Variants in NUFIP2 observed in about 807,000 individuals in gnomAD.
NUFIP2 encodes nuclear FMR1 interacting protein 2, also known as FMR1-interacting protein NUFIP2.
Under a neutral mutation model 56.9 loss-of-function variants are expected in NUFIP2, and 6 were observed. The ratio of observed to expected loss-of-function variants is 0.11; its 90% CI spans 0.06 to 0.21. The LOEUF (loss-of-function observed/expected upper bound fraction) is 0.21. Among genes scored for constraint, NUFIP2 ranks in the 10% least tolerant of loss-of-function variants. The probability of loss-of-function intolerance (pLI) is 1.00; values close to 1 mark genes in which losing one functional copy is unlikely to be tolerated. For synonymous variants in NUFIP2, 321 were observed against 298.2 expected (o/e 1.08, Z -0.79); for missense variants, 828 against 826.8 (o/e 1.00, Z -0.02).
intron 2 of NUFIP2, among the ~76,000 whole-genome samples, chr17:29,269,853 T>C (rs1157368337): frequency 6.6e-6 from 1 of 152,190 alleles, no homozygotes; most frequent in South Asian, 2.1e-4. Context: ...CCCGAGTAAC[T>C]GGGACTACAG....
At chr17:29,291,898 C>G (rs9890363) in intron 1 of NUFIP2, among the ~76,000 whole-genome samples, 1 of 152,104 alleles carries the variant, frequency 6.6e-6, no homozygotes, top group African/African-American at 2.4e-5. Context: ...ATCTGACATT[C>G]TAATTTCAGT....
chr17:29,260,335 T>C lies in NUFIP2; in HGVS notation c.*4204A>G, dbSNP rs937766520. ...CTGACCATAATGACCATTATATTTG[T>C]CCCATAACATAACTGTTCTGCACAG... is the stretch of plus-strand genomic sequence containing the variant. On this transcript the variant is annotated 3_prime_UTR_variant, in exon 4 of 4. Coordinates refer to ENST00000225388, the MANE Select transcript of NUFIP2 (RefSeq NM_020772.3). The C allele has an allele frequency of 2.0e-5, 3 of 152,230 alleles. No individual in the cohort carries two copies. Among genetic ancestry groups the C allele is most frequent in the Non-Finnish European group, 4.4e-5 (3 of 68,046 alleles). 9.4% of individuals were successfully genotyped at this position (152,230 alleles called of 1,614,324 possible).
rs189293834 is a variant in NUFIP2, at chr17:29,275,143, C to T, written c.2003-7613G>A. Among the ~76,000 whole-genome samples the T allele has an allele frequency of 3.9e-5, 6 of 152,166 alleles. No homozygotes were observed. In the East Asian group the frequency reaches 7.7e-4, roughly 20 times the overall value. ...AGGCAATTCTCCTGCCTCAGCCCCC[C>T]CCAAGCAGCTGGGATTATAGGCATA... On this transcript the variant is annotated intron_variant, in intron 2 of 3. Coordinates refer to ENST00000225388, the MANE Select transcript of NUFIP2 (RefSeq NM_020772.3).
chr17:29,292,879 G>A, intron 1 of NUFIP2, among the ~76,000 whole-genome samples: 1 of 114,132 alleles, frequency 8.8e-6, no homozygotes, highest in African/African-American at 3.2e-5. Context: ...CCCGGCCGGC[G>A]ACGGGGGGGG....
At chr17:29,280,573 C>T (rs1254302662) in intron 2 of NUFIP2, among the ~76,000 whole-genome samples, 2 of 152,058 alleles carry the variant, frequency 1.3e-5, no homozygotes, top group African/African-American at 2.4e-5. Context: ...ATGGTCCCAG[C>T]TACACAGGAG....
chr17:29,293,419 T>C (rs919302873), intron 1 of NUFIP2, among the ~76,000 whole-genome samples: 68 of 151,410 alleles, frequency 4.5e-4, no homozygotes, highest in Admixed American at 2.2e-3. Flanking sequence ...TTTGGGGGGG[T>C]AGGTTTACCC....
At chr17:29,271,395 C>G (rs1162983706) in intron 2 of NUFIP2, among the ~76,000 whole-genome samples, 1 of 151,722 alleles carries the variant, frequency 6.6e-6, no homozygotes, top group Admixed American at 6.6e-5. Context: ...AAATTAGTAA[C>G]GCATGGTGGT....
Position 29,294,121 on chromosome 17 carries a change from T to G in NUFIP2, c.-62A>C. The G allele has an allele frequency of 8.5e-6, 13 of 1,534,802 alleles. No individual in the cohort carries two copies. Among genetic ancestry groups the G allele is most frequent in the Non-Finnish European group, 1.1e-5 (12 of 1,140,780 alleles). On this transcript the variant is annotated 5_prime_UTR_variant, in exon 1 of 4. Coordinates refer to ENST00000225388, the MANE Select transcript of NUFIP2 (RefSeq NM_020772.3). ...CTGCTGCACCGTCAGGATCTGAGAC[T>G]GCTTCTCAGGGCTCACTCAGTATAT...
At chr17:29,275,618 G>A (rs1449049566) in intron 2 of NUFIP2, among the ~76,000 whole-genome samples, 1 of 152,150 alleles carries the variant, frequency 6.6e-6, no homozygotes, top group Non-Finnish European at 1.5e-5. Context: ...CCTGGCTCAA[G>A]CAGTAGTATC....
intron 1 of NUFIP2, among the ~76,000 whole-genome samples, chr17:29,292,875 C>T (rs1379306006): frequency 8.8e-6 from 1 of 113,878 alleles, no homozygotes; most frequent in African/African-American, 3.3e-5. Context: ...CAACCCCGGC[C>T]GGCGACGGGG....
chr17:29,286,108 G>C lies in NUFIP2; in HGVS notation c.1886C>G (p.Ser629Cys). 1 of 1,614,126 alleles carries C rather than the reference G, an allele frequency of 6.2e-7. No homozygotes were observed. Among genetic ancestry groups the C allele is most frequent in the Non-Finnish European group, 8.5e-7 (1 of 1,179,986 alleles). The change falls in exon 2 of 4, where the codon TCT becomes TGT. Residue 629 changes from serine to cysteine, a missense_variant. Ser to Cys is a moderately radical substitution (Grantham distance 112). Coordinates refer to ENST00000225388, the MANE Select transcript of NUFIP2 (RefSeq NM_020772.3). ...AGAGCCTAACAAAGTGTTCGTAGGA[G>C]AGGCCAGAGGATTTTGACTTTCTAT... ...YEIESQNPLA[S>C]PTNTLLGSAK...
rs749846119 is a variant in NUFIP2 at position 29,286,835 on chromosome 17, TAGATGATGA to T, written c.1150_1158del (p.Ser384_Ser386del). The T allele has an allele frequency of 7.9e-5, 127 of 1,614,114 alleles. No homozygotes were observed. The highest frequency in any genetic ancestry group is 3.2e-4 in the South Asian group (29 of 91,072). ...GATGATTGGGTCTGAGTTTCCCCGGTAGATGATGAAGATGATGAAGATGAAGTTGGTGAC... is the reference window on the plus strand; with the variant it reads ...GATGATTGGGTCTGAGTTTCCCCGGTAGATGATGAAGATGAAGTTGGTGAC... On this transcript the variant is annotated inframe_deletion, in exon 2 of 4. Transcript: ENST00000225388.
At position 29,286,371 on chromosome 17, in the gene NUFIP2, A is replaced by T; in HGVS notation, c.1623T>A (p.Pro541=). 6.2e-7 allele frequency: 1 copy of T among 1,614,168 alleles called. No individual in the cohort carries two copies. Among genetic ancestry groups the T allele is most frequent in the Non-Finnish European group, 8.5e-7 (1 of 1,179,996 alleles). ...CAGCACCCTGTGAAACCAAAGTAGCAGGATATTCTCCTTGAAATGTCACCT... is the reference window on the plus strand; with the variant it reads ...CAGCACCCTGTGAAACCAAAGTAGCTGGATATTCTCCTTGAAATGTCACCT... ...VMEVTFQGEY[P]ATLVSQGAEI... The change falls in exon 2 of 4, where the codon CCT becomes CCA. Residue 541 remains proline, a synonymous_variant. Transcript: ENST00000225388.
At chr17:29,292,650 C>G (rs540973296) in intron 1 of NUFIP2, among the ~76,000 whole-genome samples, 2 of 149,490 alleles carry the variant, frequency 1.3e-5, no homozygotes, top group African/African-American at 2.4e-5. Context: ...GGCCGCCGCC[C>G]GCGGCCTCCT....
Position 29,286,545 on chromosome 17 carries a change from C to G in NUFIP2, c.1449G>C (p.Leu483Phe), listed in dbSNP as rs1204466776. The change falls in exon 2 of 4, where the codon TTG (leucine) becomes TTC (phenylalanine). Residue 483 changes from leucine to phenylalanine, a missense_variant. Physicochemically the swap from Leu to Phe is conservative, Grantham distance 22 (BLOSUM62 0). Transcript: ENST00000225388. ...IYPSNMQTMLLSTAQVDLPSQ... is the reference protein window; with the variant it reads ...IYPSNMQTMLFSTAQVDLPSQ... ...AGGGCAGATCCACTTGTGCTGTGCT[C>G]AACAGCATAGTTTGCATATTTGAAG... The G allele has an allele frequency of 6.2e-7, 1 of 1,613,782 alleles. No homozygotes were observed. The highest frequency in any genetic ancestry group is 2.2e-5 in the East Asian group (1 of 44,900).
At chr17:29,285,955 C>T in intron 2 of NUFIP2, 37 bp downstream of exon 2, 1 of 1,494,948 alleles carries the variant, frequency 6.7e-7, no homozygotes, top group Non-Finnish European at 9.1e-7. Context: ...ACTAAATTGG[C>T]CAATAAAAAT....
intron 2 of NUFIP2, among the ~76,000 whole-genome samples, chr17:29,285,730 C>G (rs536721867): frequency 2.0e-5 from 3 of 152,310 alleles, no homozygotes; most frequent in African/African-American, 7.2e-5. Context: ...GTTCTCCTCA[C>G]TTCTGTTCTT....
chr17:29,279,599 T>A (rs2069128263), intron 2 of NUFIP2, among the ~76,000 whole-genome samples: 1 of 152,156 alleles, frequency 6.6e-6, no homozygotes, highest in Non-Finnish European at 1.5e-5. Context: ...AACAGCACGA[T>A]TATGGCTCAC....
intron 3 of NUFIP2, 38 bp from the exon 4 acceptor site, chr17:29,264,629 G>A (rs1282200256): frequency 7.5e-7 from 1 of 1,329,064 alleles, no homozygotes; most frequent in Non-Finnish European, 1.1e-6. Context: ...ATAAGGTCTA[G>A]AATCTCAAAA....
Sources: allele counts gnomAD v4.1 joint callset (sites outside exome capture counted in the v4.1 genomes callset), GRCh38; gene constraint gnomAD v4.1.1; transcripts MANE v1.5; gene names NCBI Gene and HGNC (gene_info 2026-07-23, HGNC 2026-07-21).